Variants in SUSD1 observed in about 807,000 individuals in gnomAD.
SUSD1 encodes the protein sushi domain-containing protein 1.
A neutral mutation model predicts 86.9 loss-of-function variants in SUSD1; 65 were observed. That is an observed-to-expected ratio of 0.75 (90% confidence interval 0.61 to 0.92). The LOEUF is 0.92. Ranked by LOEUF, SUSD1 falls within the 40% of genes least tolerant of loss-of-function variation. The pLI is 0.00. For synonymous variants in SUSD1, 346 were observed against 350.0 expected, an observed-to-expected ratio of 0.99 and a Z score of 0.13; for missense variants, 850 against 929.7, an observed-to-expected ratio of 0.91 and a Z score of 1.11.
At chr9:112,147,142 T>C (rs1370314191) in intron 3 of SUSD1, among the ~76,000 whole-genome samples, 1 of 152,216 alleles carries the variant, frequency 6.6e-6, no homozygotes, top group Non-Finnish European at 1.5e-5. Flanking sequence ...TGCTTACCTA[T>C]GACTAACACT....
At chr9:112,079,604 CTT>C (rs34242117) in intron 11 of SUSD1, among the ~76,000 whole-genome samples, 3,802 of 139,476 alleles carry the variant, frequency 0.027, 174 homozygotes, top group African/African-American at 0.095. Flanking sequence ...CTTCCCCCTC[CTT>C]TTTTTTTTTT....
At chr9:112,041,764 C>T in intron 16 of SUSD1, 103 bp downstream of exon 16, 1 of 1,158,518 alleles carries the variant, frequency 8.6e-7, no homozygotes, top group Non-Finnish European at 1.3e-6. Context: ...ACAACCTCCA[C>T]CCACACTCCC....
At chr9:112,173,516 A>G (rs1834134330) in intron 1 of SUSD1, 3 of 242,784 alleles carry the variant, frequency 1.2e-5, no homozygotes, top group South Asian at 5.2e-5. Context: ...TGGCAGACAC[A>G]GATCTCTACT....
rs565056530 is a variant in SUSD1, at chr9:112,141,592, G to A, written c.706+728C>T. Among the ~76,000 whole-genome samples the A allele has an allele frequency of 2.0e-5, 3 of 151,382 alleles. 1 individual carries two copies. The highest frequency in any genetic ancestry group is 2.1e-4 in the South Asian group (1 of 4,802). ...CTCGAGTGGATGAGTCATGAGAATC[G>A]CTTGAACCCAGGAGGCAGAGGTTGC... On this transcript the variant is annotated intron_variant, in intron 5 of 16. Transcript: ENST00000374270.
chr9:112,053,269 C>T (rs1828299316), intron 14 of SUSD1, among the ~76,000 whole-genome samples: 1 of 151,770 alleles, frequency 6.6e-6, no homozygotes, highest in Admixed American at 6.6e-5. Context: ...AATCCCAGCA[C>T]TTTGGGAGGC....
At chr9:112,114,256 G>C (rs1831220143) in intron 6 of SUSD1, among the ~76,000 whole-genome samples, 1 of 152,202 alleles carries the variant, frequency 6.6e-6, no homozygotes, top group Admixed American at 6.5e-5. Context: ...GCCAAGGCAG[G>C]TTGGTCACCT....
intron 2 of SUSD1, among the ~76,000 whole-genome samples, chr9:112,157,149 T>C (rs1051469089): frequency 1.3e-5 from 2 of 152,224 alleles, no homozygotes; most frequent in African/African-American, 4.8e-5. Context: ...CTCATAGTAC[T>C]AATATAGTTT....
chr9:112,144,523 A>G (rs762491765), intron 3 of SUSD1, among the ~76,000 whole-genome samples: 36 of 152,112 alleles, frequency 2.4e-4, no homozygotes, highest in South Asian at 6.2e-4. Flanking sequence ...ACGGTGGCTC[A>G]TGTCTGTAAT....
intron 12 of SUSD1, among the ~76,000 whole-genome samples, chr9:112,078,084 C>T (rs1488125154): frequency 2.6e-5 from 4 of 152,114 alleles, no homozygotes; most frequent in Admixed American, 6.5e-5. Flanking sequence ...GTGGCTTACA[C>T]CTGTAATCCC....
intron 9 of SUSD1, among the ~76,000 whole-genome samples, chr9:112,101,719 C>T (rs531323839): frequency 6.6e-6 from 1 of 152,246 alleles, no homozygotes; most frequent in African/African-American, 2.4e-5. Context: ...GTGGCTCATG[C>T]CTGCAATCCC....
At chr9:112,068,958 C>T (rs563471725) in intron 12 of SUSD1, among the ~76,000 whole-genome samples, 30 of 152,118 alleles carry the variant, frequency 2.0e-4, no homozygotes, top group South Asian at 6.2e-4. Flanking sequence ...TGGGGGAAGA[C>T]GAGAAGCAGC....
intron 5 of SUSD1, among the ~76,000 whole-genome samples, chr9:112,132,112 CA>C (rs766514804): frequency 1.1e-3 from 172 of 152,324 alleles, no homozygotes; most frequent in Non-Finnish European, 2.2e-3. Context: ...ATCTAATCAA[CA>C]ACTGACTGTA....
At chr9:112,069,188 G>A (rs1246229956) in intron 12 of SUSD1, among the ~76,000 whole-genome samples, 1 of 152,076 alleles carries the variant, frequency 6.6e-6, no homozygotes, top group African/African-American at 2.4e-5. Context: ...AGACCAGGTG[G>A]AAGAGTAAGA....
Position 112,142,234 on chromosome 9 carries a change from A to T in SUSD1, c.706+86T>A, listed in dbSNP as rs1832607198. ...TTTTAAAGGTTTACTTAACTCATTT[A>T]TTCCCTGAAACTGAAATTTAGAGAA... On this transcript the variant is annotated intron_variant, in intron 5 of 16. Coordinates refer to ENST00000374270, the MANE Select transcript of SUSD1 (RefSeq NM_022486.5). The T allele has an allele frequency of 3.4e-6, 4 of 1,170,112 alleles. No individual in the cohort carries two copies. In the East Asian group the frequency reaches 7.7e-5, roughly 23 times the overall value. The allele number at this position is 1,170,112 out of a possible 1,614,324, so 72.5% of individuals were successfully genotyped here.
chr9:112,167,797 G>A (rs1833885470), intron 1 of SUSD1, among the ~76,000 whole-genome samples: 1 of 152,146 alleles, frequency 6.6e-6, no homozygotes, highest in African/African-American at 2.4e-5. Flanking sequence ...AGACATACCC[G>A]AGACTGGGTA....
In SUSD1 at chr9:112,085,817, C is replaced by G. The variant is rs568426106; in HGVS notation, c.1475-5652G>C. On this transcript the variant is annotated intron_variant, in intron 10 of 16. Coordinates refer to ENST00000374270, the MANE Select transcript of SUSD1 (RefSeq NM_022486.5). ...GTGGCCCCTTAAATATAACTCACTA[C>G]GCATCCTCCAAAATATTCTTCAGAT... 5.9e-5 allele frequency among the ~76,000 whole-genome samples: 9 copies of G among 152,250 alleles called. No homozygotes were observed. The South Asian group carries it at 1.9e-3, about 32-fold the overall frequency.
intron 5 of SUSD1, among the ~76,000 whole-genome samples, chr9:112,130,112 C>T (rs1036250122): frequency 1.3e-5 from 2 of 152,136 alleles, no homozygotes; most frequent in South Asian, 2.1e-4. Flanking sequence ...TGGTGGCTCA[C>T]GCCTGTAATC....
At chr9:112,142,741 C>T (rs1832633105) in intron 4 of SUSD1, among the ~76,000 whole-genome samples, 2 of 152,024 alleles carry the variant, frequency 1.3e-5, no homozygotes, top group African/African-American at 4.8e-5. Flanking sequence ...TAGCAATCAA[C>T]CCTCACTAAT....
At chr9:112,073,797 G>A (rs1829395244) in intron 12 of SUSD1, among the ~76,000 whole-genome samples, 2 of 152,076 alleles carry the variant, frequency 1.3e-5, no homozygotes, top group Non-Finnish European at 2.9e-5. Context: ...GGAGGTCGGG[G>A]CATGAGAATC....
Sources: gnomAD v4.1 joint callset for allele counts (sites outside exome capture counted in the v4.1 genomes callset) on GRCh38, gnomAD v4.1.1 for gene constraint, MANE v1.5 for transcripts, NCBI Gene and HGNC (gene_info 2026-07-23, HGNC 2026-07-21) for gene names.